KDM4C: variants seen among roughly 807,000 people sequenced by gnomAD.
KDM4C encodes lysine demethylase 4C.
Under a neutral mutation model 129.3 loss-of-function variants are expected in KDM4C, and 81 were observed. The observed-to-expected ratio is 0.63, with a 90% CI of 0.52 to 0.75. KDM4C has a LOEUF of 0.75. Among genes scored for constraint, KDM4C ranks in the 30% least tolerant of loss-of-function variants. The pLI, the probability that KDM4C is intolerant of heterozygous loss-of-function variation, is 0.00. For synonymous variants in KDM4C, 573 were observed against 456.1 expected (o/e 1.26, Z -3.26); for missense variants, 1,457 against 1,304.0 (o/e 1.12, Z -1.81).
intron 4 of KDM4C, 68 bp downstream of exon 4, chr9:6,814,813 A>G (rs753909502): frequency 4.3e-6 from 4 of 934,130 alleles, no homozygotes; most frequent in Non-Finnish European, 4.9e-6. Flanking sequence ...CCATTTAAGC[A>G]GTTTAGAAGT....
intron 1 of KDM4C, among the ~76,000 whole-genome samples, chr9:6,736,444 G>A (rs1178958147): frequency 2.6e-5 from 4 of 152,114 alleles, no homozygotes; most frequent in Non-Finnish European, 4.4e-5. Context: ...GAGTTCCTGT[G>A]CTGTGTGCAG....
chr9:6,832,228 T>C (rs1834953718), intron 4 of KDM4C, among the ~76,000 whole-genome samples: 1 of 150,400 alleles, frequency 6.6e-6, no homozygotes, highest in Non-Finnish European at 1.5e-5. Context: ...TAGTCCCAGC[T>C]ACTCGGGAGG....
At chr9:7,138,956 T>C (rs1165654886) in intron 19 of KDM4C, among the ~76,000 whole-genome samples, 1 of 152,192 alleles carries the variant, frequency 6.6e-6, no homozygotes, top group African/African-American at 2.4e-5. Context: ...ACATGCTAGA[T>C]ATTTACTCTT....
intron 4 of KDM4C, among the ~76,000 whole-genome samples, chr9:6,816,711 C>T (rs890236308): frequency 1.3e-5 from 2 of 152,174 alleles, no homozygotes; most frequent in Admixed American, 1.3e-4. Context: ...TTAATTTTAG[C>T]CACTCTGTTG....
At chr9:6,992,449 T>C (rs967311306) in intron 12 of KDM4C, among the ~76,000 whole-genome samples, 3 of 152,230 alleles carry the variant, frequency 2.0e-5, no homozygotes, top group Admixed American at 1.3e-4. Flanking sequence ...CTTTCTAATA[T>C]GTTAAGGACC....
chr9:6,918,925 C>G (rs1023881011), intron 8 of KDM4C, among the ~76,000 whole-genome samples: 4 of 152,038 alleles, frequency 2.6e-5, no homozygotes, highest in Admixed American at 2.0e-4. Context: ...AGTCTTAGCT[C>G]ACTGCAACCT....
chr9:7,151,204 T>C (rs900322740), intron 19 of KDM4C, among the ~76,000 whole-genome samples: 1 of 152,198 alleles, frequency 6.6e-6, no homozygotes, highest in Admixed American at 6.5e-5. Context: ...AAATAAGTTT[T>C]AGTGCTTTTA....
Position 7,015,281 on chromosome 9 carries a change from A to G in KDM4C, c.2183-572A>G, listed in dbSNP as rs146440424. Among the ~76,000 whole-genome samples the G allele has an allele frequency of 3.4e-3, 520 of 152,282 alleles. 4 individuals are homozygous for G. The highest frequency in any genetic ancestry group is 0.011 in the African/African-American group (442 of 41,570). The stretch of plus-strand genomic sequence containing the variant: ...TATTTCAGAATTCTCTTATCTCAAG[A>G]AGTCAGAGTGACATGTGTTCCTTGA... On this transcript the variant is annotated intron_variant, in intron 14 of 21. Coordinates refer to ENST00000381309, the MANE Select transcript of KDM4C (RefSeq NM_015061.6).
At chr9:6,859,739 G>A (rs182307654) in intron 5 of KDM4C, among the ~76,000 whole-genome samples, 79 of 151,818 alleles carry the variant, frequency 5.2e-4, no homozygotes, top group African/African-American at 1.4e-3. Context: ...GGTTGCAGGC[G>A]CCTGTAGTCC....
At chr9:6,926,712 A>G (rs1176363521) in intron 8 of KDM4C, among the ~76,000 whole-genome samples, 1 of 152,222 alleles carries the variant, frequency 6.6e-6, no homozygotes, top group Non-Finnish European at 1.5e-5. Flanking sequence ...AGAAACGGAC[A>G]TTCAGAAATC....
rs1554663580 is a variant in KDM4C, at chr9:6,729,125, A to AAAAAAAAAAGGCTTGT, written c.49+8128_49+8129insAAAAAAAAAGGCTTGT. On this transcript the variant is annotated intron_variant, in intron 1 of 17. Transcript: ENST00000536108. ...GAGGCTGAGGCAGAGAATTGCTTGA[A>AAAAAAAAAAGGCTTGT]CCCGGGAAGCAGAGGTTGCAGTGAG... 4.1e-4 allele frequency among the ~76,000 whole-genome samples: 50 copies of AAAAAAAAAAGGCTTGT among 121,880 alleles called. 1 individual carries two copies. The highest frequency in any genetic ancestry group is 8.9e-4 in the South Asian group (3 of 3,372). The allele number at this position is 121,880 out of a possible 152,430, so 80.0% of individuals were successfully genotyped here.
chr9:7,134,385 A>G (rs1388770396), intron 19 of KDM4C, among the ~76,000 whole-genome samples: 1 of 152,218 alleles, frequency 6.6e-6, no homozygotes, highest in Non-Finnish European at 1.5e-5. Flanking sequence ...TTGCATAAAA[A>G]AAGAACAAAC....
At chr9:6,849,168 A>G (rs1216435141) in intron 4 of KDM4C, among the ~76,000 whole-genome samples, 1 of 152,218 alleles carries the variant, frequency 6.6e-6, no homozygotes, top group Non-Finnish European at 1.5e-5. Flanking sequence ...GAGGGAGAGC[A>G]CATGCCGGAT....
chr9:7,111,926 C>T (rs1219412182), intron 18 of KDM4C, among the ~76,000 whole-genome samples: 1 of 152,100 alleles, frequency 6.6e-6, no homozygotes, highest in East Asian at 1.9e-4. Context: ...ATTATCCTTT[C>T]TAGAGGAGAT....
chr9:6,747,286 G>T (rs1817915011), intron 1 of KDM4C, among the ~76,000 whole-genome samples: 1 of 151,878 alleles, frequency 6.6e-6, no homozygotes, highest in African/African-American at 2.4e-5. Context: ...TGTGGCTCCA[G>T]CCTGTAATCC....
intron 1 of KDM4C, among the ~76,000 whole-genome samples, chr9:6,787,612 A>G (rs546228869): frequency 6.6e-6 from 1 of 152,344 alleles, no homozygotes; most frequent in East Asian, 1.9e-4. Flanking sequence ...TTTGTTCAGA[A>G]TGTATTTGCA....
chr9:6,874,774 C>T (rs1843307755), intron 5 of KDM4C, among the ~76,000 whole-genome samples: 1 of 152,018 alleles, frequency 6.6e-6, no homozygotes, highest in Admixed American at 6.6e-5. Flanking sequence ...AAGGATGAAG[C>T]ATGGGGAGAC....
At chr9:6,738,993 G>C (rs1017488698) in intron 1 of KDM4C, among the ~76,000 whole-genome samples, 1 of 151,644 alleles carries the variant, frequency 6.6e-6, no homozygotes. Context: ...CCTCCCACCT[G>C]AGCCTCCCAA....
At chr9:7,089,529 A>G (rs765033385) in intron 17 of KDM4C, among the ~76,000 whole-genome samples, 1 of 152,246 alleles carries the variant, frequency 6.6e-6, no homozygotes, top group African/African-American at 2.4e-5. Context: ...GGGGGAAGTC[A>G]TAACTTCACT....
Sources: allele counts gnomAD v4.1 joint callset (sites outside exome capture counted in the v4.1 genomes callset), GRCh38; gene constraint gnomAD v4.1.1; transcripts MANE v1.5; gene names NCBI Gene and HGNC (gene_info 2026-07-23, HGNC 2026-07-21).